TTLL5: variants seen among roughly 807,000 people sequenced by gnomAD.
TTLL5 encodes tubulin tyrosine ligase like 5.
Under a neutral mutation model 168.4 loss-of-function variants are expected in TTLL5, and 132 were observed. The ratio of observed to expected loss-of-function variants is 0.78; its 90% CI spans 0.68 to 0.91. TTLL5 has a LOEUF of 0.91. Ranked by LOEUF, TTLL5 falls within the 40% of genes least tolerant of loss-of-function variation. The pLI, the probability that TTLL5 is intolerant of heterozygous loss-of-function variation, is 0.00. For missense variants in TTLL5, 1,545 were observed against 1,581.5 expected (o/e 0.98, Z 0.39); for synonymous variants, 546 against 558.6 (o/e 0.98, Z 0.32).
intron 31 of TTLL5, among the ~76,000 whole-genome samples, chr14:75,939,233 G>A (rs1462445826): frequency 2.6e-5 from 4 of 152,236 alleles, no homozygotes; most frequent in Non-Finnish European, 4.4e-5. Flanking sequence ...TCTATCTACA[G>A]TAAAAGTAAG....
chr14:75,760,430 A>G (rs1224313755), intron 18 of TTLL5, among the ~76,000 whole-genome samples: 1 of 152,024 alleles, frequency 6.6e-6, no homozygotes, highest in East Asian at 1.9e-4. Context: ...TGATATAAAG[A>G]TCCAGTGCAA....
At chr14:75,672,310 A>C (rs917515927) in intron 3 of TTLL5, among the ~76,000 whole-genome samples, 1 of 152,074 alleles carries the variant, frequency 6.6e-6, no homozygotes, top group African/African-American at 2.4e-5. Flanking sequence ...GCAGTGGCAC[A>C]ATCTCAGCTC....
rs2288142 is a variant in TTLL5, at chr14:75,764,640, T to C, written c.1576T>C (p.Leu526=). 1,339 of 1,614,118 alleles carry C rather than the reference T, an allele frequency of 8.3e-4. 13 individuals carry two copies. In the East Asian group the frequency reaches 0.013, roughly 16 times the overall value. ...DRMTADGAPE[L]KIESLNSKAK... is the part of the protein sequence containing the mutation. ...AATGACTGCTGATGGAGCGCCAGAA[T>C]TGAAGATAGAGAGTCTGAATTCAAA... is the stretch of plus-strand genomic sequence containing the variant. The change falls in exon 19 of 32, where the codon TTG becomes CTG. Residue 526 remains leucine (L), a synonymous_variant. Coordinates refer to ENST00000298832, the MANE Select transcript of TTLL5 (RefSeq NM_015072.5).
At chr14:75,945,995 T>C (rs1420138639) in intron 31 of TTLL5, among the ~76,000 whole-genome samples, 1 of 152,154 alleles carries the variant, frequency 6.6e-6, no homozygotes, top group Admixed American at 6.5e-5. Context: ...TAAGCAAAAA[T>C]ATCTTTCATG....
intron 14 of TTLL5, among the ~76,000 whole-genome samples, 163 bp downstream of exon 14, chr14:75,734,213 A>G (rs1335914392): frequency 6.6e-6 from 1 of 152,208 alleles, no homozygotes; most frequent in African/African-American, 2.4e-5. Flanking sequence ...TTTCTACGAC[A>G]CTTGGCTCCA....
At chr14:75,661,880 T>C (rs1890753282) in intron 1 of TTLL5, among the ~76,000 whole-genome samples, 1 of 151,908 alleles carries the variant, frequency 6.6e-6, no homozygotes, top group Non-Finnish European at 1.5e-5. Flanking sequence ...TTTTTTTTTG[T>C]CTTATTTACA....
chr14:75,927,997 C>A lies in TTLL5; in HGVS notation c.3823+25773C>A, dbSNP rs992886489. ...GTTGCCCACTTGTGATGTGATTGAA[C>A]AAGTGGTTTGGCCTTTGAAAGGTGA... On this transcript the variant is annotated intron_variant, in intron 31 of 31. Transcript: ENST00000298832. Among the ~76,000 whole-genome samples the A allele has an allele frequency of 5.3e-5, 8 of 152,228 alleles. No homozygotes were observed. The East Asian group carries it at 1.4e-3, about 26-fold the overall frequency.
At chr14:75,728,293 T>G (rs1024427876) in intron 12 of TTLL5, among the ~76,000 whole-genome samples, 2 of 148,770 alleles carry the variant, frequency 1.3e-5, no homozygotes, top group South Asian at 2.1e-4. Flanking sequence ...GAGGTGGAGA[T>G]TGCAGCGAGC....
At chr14:75,729,581 A>G (rs1197263616) in intron 12 of TTLL5, among the ~76,000 whole-genome samples, 1 of 152,094 alleles carries the variant, frequency 6.6e-6, no homozygotes, top group Admixed American at 6.6e-5. Context: ...CCCCCCACCA[A>G]TGCCAGCCTT....
chr14:75,738,317 T>C (rs1889036083), intron 15 of TTLL5, among the ~76,000 whole-genome samples: 2 of 152,224 alleles, frequency 1.3e-5, no homozygotes, highest in Non-Finnish European at 2.9e-5. Flanking sequence ...GATATTCTCA[T>C]ATATAAACGT....
intron 31 of TTLL5, among the ~76,000 whole-genome samples, chr14:75,911,340 G>A (rs1455737092): frequency 2.0e-5 from 3 of 152,254 alleles, no homozygotes; most frequent in African/African-American, 7.2e-5. Flanking sequence ...GTCTGGTTAT[G>A]CAGTTAGTTG....
chr14:75,823,632 CT>C (rs988447899), intron 28 of TTLL5, among the ~76,000 whole-genome samples: 2 of 152,186 alleles, frequency 1.3e-5, no homozygotes, highest in Non-Finnish European at 2.9e-5. Context: ...CCACCTCTGG[CT>C]TTTTCACACA....
chr14:75,711,052 G>A (rs1887039433), intron 9 of TTLL5: 1 of 152,158 alleles, frequency 6.6e-6, no homozygotes. Context: ...GTTATTTTGT[G>A]TAAAATTTTT....
chr14:75,681,832 A>G (rs1370443074), intron 4 of TTLL5, among the ~76,000 whole-genome samples: 1 of 151,938 alleles, frequency 6.6e-6, no homozygotes, highest in Non-Finnish European at 1.5e-5. Flanking sequence ...ATGATTTTAG[A>G]AAAAAATTTT....
At chr14:75,683,958 G>A (rs1884827642) in intron 5 of TTLL5, 2 of 272,632 alleles carry the variant, frequency 7.3e-6, no homozygotes, top group South Asian at 7.2e-5. Context: ...ATCTTTGGGA[G>A]AGACGAGGTT....
intron 31 of TTLL5, among the ~76,000 whole-genome samples, chr14:75,929,370 A>T (rs186912776): frequency 5.3e-5 from 8 of 151,034 alleles, no homozygotes; most frequent in African/African-American, 1.9e-4. Context: ...GACAAATGCT[A>T]TTTACCCTAT....
intron 7 of TTLL5, 23 bp from the exon 8 acceptor site, chr14:75,706,995 C>T (rs1228678032): frequency 6.3e-7 from 1 of 1,582,068 alleles, no homozygotes; most frequent in Admixed American, 1.7e-5. Context: ...TCTATTCTTT[C>T]ATTCTTTCTC....
chr14:75,827,692 A>G (rs1197498660), intron 28 of TTLL5, among the ~76,000 whole-genome samples: 2 of 131,632 alleles, frequency 1.5e-5, no homozygotes. Flanking sequence ...AATCAATACC[A>G]CATTTGGCTT....
At chr14:75,856,262 C>T (rs1355865686) in intron 28 of TTLL5, among the ~76,000 whole-genome samples, 1 of 152,150 alleles carries the variant, frequency 6.6e-6, no homozygotes, top group Non-Finnish European at 1.5e-5. Context: ...ACTTGGGAGG[C>T]TGAGGCAGGA....
Sources: gnomAD v4.1 joint callset for allele counts (sites outside exome capture counted in the v4.1 genomes callset) on GRCh38, gnomAD v4.1.1 for gene constraint, MANE v1.5 for transcripts, NCBI Gene and HGNC (gene_info 2026-07-23, HGNC 2026-07-21) for gene names.